ARHGDIA: variants seen among roughly 807,000 people sequenced by gnomAD.
ARHGDIA encodes the protein rho GDP-dissociation inhibitor 1.
Under a neutral mutation model 25.0 loss-of-function variants are expected in ARHGDIA, and 9 were observed. The ratio of observed to expected loss-of-function variants is 0.36; its 90% CI spans 0.22 to 0.63. The LOEUF (loss-of-function observed/expected upper bound fraction) is 0.63. Among genes scored for constraint, ARHGDIA ranks in the 20% least tolerant of loss-of-function variants. The pLI is 0.69. For synonymous variants in ARHGDIA, 166 were observed against 111.5 expected, an observed-to-expected ratio of 1.49 and a Z score of -3.08; for missense variants, 239 against 264.3, an observed-to-expected ratio of 0.90 and a Z score of 0.66.
chr17:81,870,303 G>A (rs898197197), intron 1 of ARHGDIA: 34 of 249,460 alleles, frequency 1.4e-4, no homozygotes, highest in African/African-American at 6.5e-4. Context: ...CTCTCTTAGG[G>A]TCTTGCCGCT....
rs1374768599 is a variant in ARHGDIA, at chr17:81,869,860, G to A, written c.71C>T (p.Ser24Leu). The change falls in exon 2 of 6, where the codon TCG becomes TTG. Residue 24 changes from serine to leucine, a missense_variant. Coordinates refer to ENST00000269321, the MANE Select transcript of ARHGDIA (RefSeq NM_004309.6). ...IAAENEEDEHSVNYKPPAQKS... is the reference protein window; with the variant it reads ...IAAENEEDEHLVNYKPPAQKS... ...CTGGGCCGGGGGCTTGTAGTTGACC[G>A]AGTGCTCATCCTCCTCGTTCTCCGC... is the stretch of plus-strand genomic sequence containing the variant. 7 of 1,613,948 alleles carry A rather than the reference G, an allele frequency of 4.3e-6. No homozygotes were observed. The highest frequency in any genetic ancestry group is 5.9e-6 in the Non-Finnish European group (7 of 1,180,024).
chr17:81,869,463 C>G, intron 3 of ARHGDIA, 57 bp from the exon 4 acceptor site: 3 of 1,612,254 alleles, frequency 1.9e-6, no homozygotes, highest in Admixed American at 1.7e-5. Context: ...GAAGCCCCAG[C>G]CCTGCGCGGC....
rs1280607685 is a variant in ARHGDIA at position 81,868,536 on chromosome 17, C to T, written c.*340G>A. The T allele has an allele frequency of 6.5e-7, 1 of 1,532,994 alleles. No individual in the cohort carries two copies. The highest frequency in any genetic ancestry group is 8.7e-7 in the Non-Finnish European group (1 of 1,145,060). 95.0% of individuals were successfully genotyped at this position (1,532,994 alleles called of 1,614,324 possible). A position where few individuals can be genotyped will look rare whatever the true frequency, so the allele number is the denominator to read the frequency against. ...AACCACGGGGCCTGGAGAATGGCTG[C>T]TCCGCTCCCTCCTGAAGCCAGGCCT... On this transcript the variant is annotated 3_prime_UTR_variant, in exon 6 of 6. Transcript: ENST00000269321.
chr17:81,868,624 C>T lies in ARHGDIA; in HGVS notation c.*252G>A. On this transcript the variant is annotated 3_prime_UTR_variant, in exon 6 of 6. Coordinates refer to ENST00000269321, the MANE Select transcript of ARHGDIA (RefSeq NM_004309.6). ...AAGGGCAGCAGAGGCCTGGCTGCGG[C>T]CTCTCTCCCCCACAGCACAGGCAGA... The T allele has an allele frequency of 1.3e-6, 2 of 1,535,440 alleles. No individual in the cohort carries two copies. Among genetic ancestry groups the T allele is most frequent in the Non-Finnish European group, 1.7e-6 (2 of 1,146,766 alleles).
In ARHGDIA at chr17:81,868,352, T is replaced by C. The variant is rs1325428151; in HGVS notation, c.*524A>G. On this transcript the variant is annotated 3_prime_UTR_variant, in exon 6 of 6. Transcript: ENST00000269321. ...GTTAGAGGCTAGTGAGGCCCCACGG[T>C]ACACTCCACATGTTAAGGCATCATG... 7.0e-7 allele frequency: 1 copy of C among 1,431,838 alleles called. No homozygotes were observed. Among genetic ancestry groups the C allele is most frequent in the Non-Finnish European group, 9.1e-7 (1 of 1,095,640 alleles). 88.7% of individuals were successfully genotyped at this position (1,431,838 alleles called of 1,614,324 possible).
chr17:81,868,723 A>G lies in ARHGDIA; in HGVS notation c.*153T>C. 6.6e-7 allele frequency: 1 copy of G among 1,524,150 alleles called. No homozygotes were observed. The highest frequency in any genetic ancestry group is 8.8e-7 in the Non-Finnish European group (1 of 1,142,602). 94.4% of individuals were successfully genotyped at this position (1,524,150 alleles called of 1,614,324 possible). A position where few individuals can be genotyped will look rare whatever the true frequency, so the allele number is the denominator to read the frequency against. On this transcript the variant is annotated 3_prime_UTR_variant, in exon 6 of 6. Transcript: ENST00000269321. ...AGGGCTGAGGAGGGGGGTCGGAGGC[A>G]CTCGGTTGAGCCAGGCCAGGGAGGC... is the stretch of plus-strand genomic sequence containing the variant.
chr17:81,869,505 G>A (rs780000161), intron 3 of ARHGDIA, 37 bp downstream of exon 3: 1 of 1,607,260 alleles, frequency 6.2e-7, no homozygotes, highest in African/African-American at 1.3e-5. Flanking sequence ...ATCCCCACCA[G>A]GGGCCGCCCG....
Position 81,868,323 on chromosome 17 carries a change from G to C in ARHGDIA, c.*553C>G, listed in dbSNP as rs2039113813. The C allele has an allele frequency of 1.4e-6, 2 of 1,413,118 alleles. No homozygotes were observed. The highest frequency in any genetic ancestry group is 1.8e-6 in the Non-Finnish European group (2 of 1,084,448). 87.5% of individuals were successfully genotyped at this position (1,413,118 alleles called of 1,614,324 possible). A position where few individuals can be genotyped will look rare whatever the true frequency, so the allele number is the denominator to read the frequency against. ...GAGGCCACATGCTCATGCAGACACA[G>C]GGAGTTAGAGGCTAGTGAGGCCCCA... On this transcript the variant is annotated 3_prime_UTR_variant, in exon 6 of 6. Coordinates refer to ENST00000269321, the MANE Select transcript of ARHGDIA (RefSeq NM_004309.6).
chr17:81,871,252 C>T (rs2039290614), intron 1 of ARHGDIA, 46 bp downstream of exon 1: 1 of 148,616 alleles, frequency 6.7e-6, no homozygotes. Flanking sequence ...CCCGCCCCGA[C>T]CCGCCGCCTC....
chr17:81,871,028 CT>C (rs2039281412), intron 1 of ARHGDIA: 1 of 149,654 alleles, frequency 6.7e-6, no homozygotes, highest in African/African-American at 2.4e-5. Flanking sequence ...CGGCACTCCC[CT>C]GGTCCCCGCC....
At position 81,869,220 on chromosome 17, in the gene ARHGDIA, A is replaced by G. The variant is rs983256374; in HGVS notation, c.368T>C (p.Val123Ala). The G allele has an allele frequency of 6.2e-7, 1 of 1,613,900 alleles. No homozygotes were observed. The highest frequency in any genetic ancestry group is 8.5e-7 in the Non-Finnish European group (1 of 1,179,946). The change falls in exon 5 of 6, where the codon GTG (valine) becomes GCG (alanine). Residue 123 changes from valine to alanine, a missense_variant. By Grantham distance (64) the Val-to-Ala change is moderately conservative. This residue lies in a region of ARHGDIA where 75 missense variants were observed against 122.4 expected (regional missense o/e 0.61). Coordinates refer to ENST00000269321, the MANE Select transcript of ARHGDIA (RefSeq NM_004309.6). ...ATGCTGGATGTACTTCATGCCGGAC[A>G]CTATCTCTCGGTTAACCTGCAGGAC... ...KISFRVNREI[V>A]SGMKYIQHTY...
intron 1 of ARHGDIA, chr17:81,870,643 G>C (rs1319254098): frequency 4.6e-5 from 7 of 152,306 alleles, no homozygotes; most frequent in African/African-American, 1.7e-4. Context: ...GACCCGGCAG[G>C]GGATCTGTCA....
rs1331993626 is a variant in ARHGDIA, at chr17:81,868,794, TGGGGA to T, written c.*77_*81del. 2 of 612,682 alleles carry T rather than the reference TGGGGA, an allele frequency of 3.3e-6. No homozygotes were observed. The highest frequency in any genetic ancestry group is 1.5e-4 in the East Asian group (2 of 13,448). 38.0% of individuals were successfully genotyped at this position (612,682 alleles called of 1,614,324 possible). A position where few individuals can be genotyped will look rare whatever the true frequency, so the allele number is the denominator to read the frequency against. ...CGGAGGGCCTGTCAGCACTTTGGTA[TGGGGA>T]GGGGAGGGGCTGGGGGGGACACATC... On this transcript the variant is annotated 3_prime_UTR_variant, in exon 6 of 6. Transcript: ENST00000269321.
At position 81,868,526 on chromosome 17, in the gene ARHGDIA, A is replaced by C. The variant is rs1248056642; in HGVS notation, c.*350T>G. 6.5e-7 allele frequency: 1 copy of C among 1,531,424 alleles called. No homozygotes were observed. The highest frequency in any genetic ancestry group is 1.4e-5 in the African/African-American group (1 of 72,990). 94.9% of individuals were successfully genotyped at this position (1,531,424 alleles called of 1,614,324 possible). A position where few individuals can be genotyped will look rare whatever the true frequency, so the allele number is the denominator to read the frequency against. ...GTCCAGGGGCAACCACGGGGCCTGG[A>C]GAATGGCTGCTCCGCTCCCTCCTGA... On this transcript the variant is annotated 3_prime_UTR_variant, in exon 6 of 6. Transcript: ENST00000269321.
At chr17:81,869,259 C>A (rs955615883) in intron 4 of ARHGDIA, 23 bp from the exon 5 acceptor site, 1 of 1,614,028 alleles carries the variant, frequency 6.2e-7, no homozygotes, top group African/African-American at 1.3e-5. Context: ...AAGCGAGGAT[C>A]AGGGAAGGTC....
Position 81,868,382 on chromosome 17 carries a change from G to A in ARHGDIA, c.*494C>T. The A allele has an allele frequency of 6.9e-7, 1 of 1,444,188 alleles. No individual in the cohort carries two copies. Among genetic ancestry groups the A allele is most frequent in the Non-Finnish European group, 9.1e-7 (1 of 1,102,862 alleles). The allele number at this position is 1,444,188 out of a possible 1,614,324, so 89.5% of individuals were successfully genotyped here. ...TCCACATGTTAAGGCATCATGGTTA[G>A]ACGGGACCGACAGCGACAAGGGGGC... On this transcript the variant is annotated 3_prime_UTR_variant, in exon 6 of 6. Transcript: ENST00000269321.
At position 81,868,805 on chromosome 17, in the gene ARHGDIA, G is replaced by A. The variant is rs1434412557; in HGVS notation, c.*71C>T. 5 of 1,595,632 alleles carry A rather than the reference G, an allele frequency of 3.1e-6. No individual in the cohort carries two copies. Among genetic ancestry groups the A allele is most frequent in the Non-Finnish European group, 4.3e-6 (5 of 1,171,328 alleles). ...TCAGCACTTTGGTATGGGGAGGGGA[G>A]GGGCTGGGGGGGACACATCCGCCTG... On this transcript the variant is annotated 3_prime_UTR_variant, in exon 6 of 6. Transcript: ENST00000269321.
rs530554967 is a variant in ARHGDIA at position 81,868,819 on chromosome 17, C to T, written c.*57G>A. On this transcript the variant is annotated 3_prime_UTR_variant, in exon 6 of 6. Coordinates refer to ENST00000269321, the MANE Select transcript of ARHGDIA (RefSeq NM_004309.6). ...TGGGGAGGGGAGGGGCTGGGGGGGACACATCCGCCTGTCCGTCGTCCGTCC... is the reference window on the plus strand; with the variant it reads ...TGGGGAGGGGAGGGGCTGGGGGGGATACATCCGCCTGTCCGTCGTCCGTCC... 1.9e-6 allele frequency: 3 copies of T among 1,609,306 alleles called. No individual in the cohort carries two copies. Among genetic ancestry groups the T allele is most frequent in the South Asian group, 2.2e-5 (2 of 90,314 alleles).
At position 81,868,102 on chromosome 17, in the gene ARHGDIA, C is replaced by T. The variant is rs139833239; in HGVS notation, c.*774G>A. The T allele has an allele frequency of 2.6e-6, 1 of 388,630 alleles. No individual in the cohort carries two copies. Among genetic ancestry groups the T allele is most frequent in the East Asian group, 3.8e-5 (1 of 26,466 alleles). 24.1% of individuals were successfully genotyped at this position (388,630 alleles called of 1,614,324 possible). A position where few individuals can be genotyped will look rare whatever the true frequency, so the allele number is the denominator to read the frequency against. Reference sequence around the variant, plus strand: ...TGAGACAGAAAAGGCAGAGGCAGGACAATACCCAGCCTCCTGGATGGTACT... The same window carrying T: ...TGAGACAGAAAAGGCAGAGGCAGGATAATACCCAGCCTCCTGGATGGTACT... On this transcript the variant is annotated 3_prime_UTR_variant, in exon 6 of 6. Transcript: ENST00000269321.
Sources: gnomAD v4.1 joint callset for allele counts on GRCh38, gnomAD v4.1.1 for gene constraint, gnomAD v4.1.1 regional missense constraint, MANE v1.5 for transcripts, NCBI Gene and HGNC (gene_info 2026-07-23, HGNC 2026-07-21) for gene names.